The following ST14 variants were observed in gnomAD, a reference collection of about 807,000 sequenced individuals.
ST14 encodes the protein ST14 transmembrane serine protease matriptase.
Under a neutral mutation model 96.5 loss-of-function variants are expected in ST14, and 40 were observed. The observed-to-expected ratio is 0.41, with a 90% confidence interval of 0.32 to 0.54. ST14 has a LOEUF of 0.54. Ranked by LOEUF, ST14 falls within the 20% of genes least tolerant of loss-of-function variation. The pLI is 0.17. For missense variants in ST14, 1,066 were observed against 1,188.9 expected, an observed-to-expected ratio of 0.90 and a Z score of 1.52; for synonymous variants, 506 against 492.1, an observed-to-expected ratio of 1.03 and a Z score of -0.37.
At chr11:130,201,798 C>T (rs1246358914) in intron 16 of ST14, among the ~76,000 whole-genome samples, 1 of 152,180 alleles carries the variant, frequency 6.6e-6, no homozygotes, top group East Asian at 1.9e-4. Flanking sequence ...GCTTGGCCTC[C>T]ACCTCCTAGG....
intron 1 of ST14, among the ~76,000 whole-genome samples, chr11:130,178,452 T>C (rs979488284): frequency 5.3e-5 from 8 of 152,266 alleles, no homozygotes; most frequent in Non-Finnish European, 8.8e-5. Context: ...TGTACAAGGC[T>C]CCTGGTCCCT....
At position 130,189,497 on chromosome 11, in the gene ST14, A is replaced by G. The variant is rs1953271647; in HGVS notation, c.441-242A>G. ...CAATGGGTTTCCCCTCCTCATTCCT[A>G]CCCCTGAGCAGCCCCCAGAATCGGT... On this transcript the variant is annotated intron_variant, in intron 4 of 18. Coordinates refer to ENST00000278742, the MANE Select transcript of ST14 (RefSeq NM_021978.4). 6.9e-6 allele frequency: 4 copies of G among 576,266 alleles called. No individual in the cohort carries two copies. The Admixed American group carries it at 9.1e-5, about 13-fold the overall frequency. The allele number at this position is 576,266 out of a possible 1,614,324, so 35.7% of individuals were successfully genotyped here.
At chr11:130,164,550 C>A (rs1953026464) in intron 1 of ST14, among the ~76,000 whole-genome samples, 3 of 151,598 alleles carry the variant, frequency 2.0e-5, no homozygotes, top group African/African-American at 7.3e-5. Context: ...TTCTCAGTAG[C>A]TGGGACTACA....
chr11:130,208,388 T>C, intron 16 of ST14, 22 bp from the exon 17 acceptor site: 2 of 1,613,796 alleles, frequency 1.2e-6, no homozygotes, highest in Non-Finnish European at 1.7e-6. Context: ...CCGCGCAGTC[T>C]CATAGCGGCT....
At position 130,199,100 on chromosome 11, in the gene ST14, GGTT is replaced by G. The variant is rs771799622; in HGVS notation, c.1807+35_1807+37del. ...CAGGGCATCCGAGTACGGTTGTGCA[GGTT>G]GTTCACTGTGTGAAGTGCCCACCAG... On this transcript the variant is annotated intron_variant, in intron 15 of 18. Coordinates refer to ENST00000278742, the MANE Select transcript of ST14 (RefSeq NM_021978.4). The G allele has an allele frequency of 6.8e-6, 11 of 1,606,342 alleles. No individual in the cohort carries two copies. The African/African-American group carries it at 1.3e-4, about 20-fold the overall frequency.
At chr11:130,167,599 C>A (rs1002660698) in intron 1 of ST14, among the ~76,000 whole-genome samples, 1 of 152,156 alleles carries the variant, frequency 6.6e-6, no homozygotes, top group Non-Finnish European at 1.5e-5. Flanking sequence ...ATTTGTGGAG[C>A]AAGACAGACC....
intron 4 of ST14, chr11:130,189,521 G>T: frequency 1.6e-6 from 1 of 613,582 alleles, no homozygotes; most frequent in Non-Finnish European, 2.8e-6. Flanking sequence ...CCCAGAATCG[G>T]TCTGGTTGGG....
intron 1 of ST14, among the ~76,000 whole-genome samples, chr11:130,166,134 A>G (rs1591875798): frequency 6.6e-6 from 1 of 152,232 alleles, no homozygotes; most frequent in Non-Finnish European, 1.5e-5. Flanking sequence ...TGTGATTTCA[A>G]CATGCTTTAC....
intron 16 of ST14, among the ~76,000 whole-genome samples, chr11:130,204,591 C>G (rs1405146522): frequency 6.6e-6 from 1 of 152,096 alleles, no homozygotes; most frequent in Non-Finnish European, 1.5e-5. Flanking sequence ...GCAGGCAGAT[C>G]ACCTGAGGTC....
chr11:130,177,709 G>T (rs911363659), intron 1 of ST14, among the ~76,000 whole-genome samples: 7 of 152,242 alleles, frequency 4.6e-5, no homozygotes, highest in African/African-American at 1.4e-4. Flanking sequence ...CCTGGGTAAA[G>T]AACCTCATCA....
At chr11:130,196,229 G>A in intron 9 of ST14, 110 bp from the exon 10 acceptor site, 1 of 813,094 alleles carries the variant, frequency 1.2e-6, no homozygotes, top group Non-Finnish European at 2.1e-6. Context: ...TCTTGGTGAT[G>A]GAAGGCATAC....
In ST14 at chr11:130,196,624, A is replaced by T. The variant is rs376509167; in HGVS notation, c.1278A>T (p.Thr426=). The T allele has an allele frequency of 1.2e-5, 20 of 1,613,700 alleles. No individual in the cohort carries two copies. Among genetic ancestry groups the T allele is most frequent in the Non-Finnish European group, 1.7e-5 (20 of 1,179,970 alleles). The stretch of plus-strand genomic sequence containing the variant: ...TCACCAGCAACAGCAACAAGATCAC[A>T]GTTCGCTTCCACTCAGATCAGTCCT... ...FVVTSNSNKI[T]VRFHSDQSYT... Residue 426 remains threonine, a synonymous_variant, in exon 11 of 19, where the codon ACA becomes ACT. Coordinates refer to ENST00000278742, the MANE Select transcript of ST14 (RefSeq NM_021978.4).
rs1204723348 is a variant in ST14, at chr11:130,159,817, G to C, written c.-163G>C. On this transcript the variant is annotated 5_prime_UTR_variant, in exon 1 of 19. Coordinates refer to ENST00000278742, the MANE Select transcript of ST14 (RefSeq NM_021978.4). ...AGCTGCAGCCGGAGAAAGAGGAAGA[G>C]GGAGAGAGAGCGCGCCAGGGCGAGG... The C allele has an allele frequency of 4.5e-6, 1 of 220,392 alleles. No individual in the cohort carries two copies. The highest frequency in any genetic ancestry group is 8.7e-6 in the Non-Finnish European group (1 of 114,702). 13.7% of individuals were successfully genotyped at this position (220,392 alleles called of 1,614,324 possible).
intron 1 of ST14, among the ~76,000 whole-genome samples, chr11:130,160,899 C>T (rs1404440500): frequency 1.3e-5 from 2 of 152,184 alleles, no homozygotes; most frequent in Non-Finnish European, 2.9e-5. Flanking sequence ...TCCTGGAAGG[C>T]CAGGGCATAC....
At chr11:130,184,565 T>C (rs79946307) in intron 1 of ST14, among the ~76,000 whole-genome samples, 2,726 of 152,320 alleles carry the variant, frequency 0.018, 83 homozygotes, top group African/African-American at 0.06. Flanking sequence ...TCTTTGGTAA[T>C]GGTCTCTTCT....
intron 1 of ST14, among the ~76,000 whole-genome samples, chr11:130,182,254 G>A (rs1430097133): frequency 6.6e-6 from 1 of 152,106 alleles, no homozygotes; most frequent in Non-Finnish European, 1.5e-5. Context: ...CCTGTGAATT[G>A]GATATACATC....
chr11:130,167,287 T>A (rs1953050023), intron 1 of ST14, among the ~76,000 whole-genome samples: 1 of 152,226 alleles, frequency 6.6e-6, no homozygotes, highest in South Asian at 2.1e-4. Context: ...TGCCTATGCA[T>A]GTTTTCTAAA....
chr11:130,169,180 C>T (rs756341596), intron 1 of ST14, among the ~76,000 whole-genome samples: 5 of 149,918 alleles, frequency 3.3e-5, no homozygotes, highest in African/African-American at 9.9e-5. Context: ...CTGCAACCTC[C>T]GCCTCCCTGG....
At chr11:130,195,790 T>C (rs1449965918) in intron 9 of ST14, among the ~76,000 whole-genome samples, 2 of 147,926 alleles carry the variant, frequency 1.4e-5, no homozygotes, top group African/African-American at 2.5e-5. Flanking sequence ...GAGTCGGAGG[T>C]TGTGGTGAGC....
Sources: gnomAD v4.1 joint callset for allele counts (sites outside exome capture counted in the v4.1 genomes callset) on GRCh38, gnomAD v4.1.1 for gene constraint, MANE v1.5 for transcripts, NCBI Gene and HGNC (gene_info 2026-07-23, HGNC 2026-07-21) for gene names.